FCAMR: variants seen among roughly 807,000 people sequenced by gnomAD.
FCAMR encodes Fc alpha and mu receptor.
FCAMR carries 51 observed loss-of-function variants against 52.2 expected under a neutral mutation model. The observed-to-expected ratio is 0.98, with a 90% CI of 0.78 to 1.23. The LOEUF (loss-of-function observed/expected upper bound fraction) is 1.23. Among genes scored for constraint, FCAMR ranks in the 50% most tolerant of loss-of-function variants. The probability of loss-of-function intolerance (pLI) is 0.00; values close to 1 mark genes in which losing one functional copy is unlikely to be tolerated. For missense variants in FCAMR, 719 were observed against 712.6 expected (o/e 1.01, Z -0.10); for synonymous variants, 282 against 262.0 (o/e 1.08, Z -0.74).
rs778350262 is a variant in FCAMR, at chr1:206,958,518, A to G, written c.1732T>C (p.Ter578ArgextTer5). 21 of 1,611,120 alleles carry G rather than the reference A, an allele frequency of 1.3e-5. No individual in the cohort carries two copies. The highest frequency in any genetic ancestry group is 1.8e-5 in the Non-Finnish European group (21 of 1,179,232). Reference protein sequence around the residue: ...LTAPERNPGP* With the variant: ...LTAPERNPGPR ...TGAGCAGTTCATCTCTCTGTCCCTC[A>G]GGGTCCTGGATTTCTCTCTGGGGCA... The change falls in exon 8 of 8, where the codon TGA becomes CGA. Residue 578 changes from the stop codon to arginine, a stop_lost. Transcript: ENST00000324852.
chr1:206,961,024 T>C lies in FCAMR; in HGVS notation c.852A>G (p.Pro284=). The change falls in exon 6 of 8, where the codon CCA becomes CCG. Residue 284 remains proline, a synonymous_variant. Transcript: ENST00000324852. The stretch of plus-strand genomic sequence containing the variant: ...CTGGAGCTGCTGGCCTGGTTGCTCC[T>C]GGGGTTCGTCTTCCCTCAGCTGAAG... ...TTASAEGRRT[P]GATRPAAPGT... The C allele has an allele frequency of 1.3e-6, 2 of 1,551,910 alleles. No homozygotes were observed. The highest frequency in any genetic ancestry group is 8.7e-7 in the Non-Finnish European group (1 of 1,147,036).
At chr1:206,968,389 C>T (rs1680799389) in intron 1 of FCAMR, among the ~76,000 whole-genome samples, 1 of 152,164 alleles carries the variant, frequency 6.6e-6, no homozygotes, top group South Asian at 2.1e-4. Context: ...TCTTGTATTC[C>T]CCAGAGGGTA....
intron 1 of FCAMR, chr1:206,969,310 G>A (rs1276264750): frequency 2.2e-6 from 1 of 456,488 alleles, no homozygotes; most frequent in East Asian, 7.0e-5. Flanking sequence ...TGAGGAAGCA[G>A]GAGTATGAGA....
At chr1:206,964,199 T>C (rs1680617283) in intron 4 of FCAMR, among the ~76,000 whole-genome samples, 3 of 152,150 alleles carry the variant, frequency 2.0e-5, no homozygotes, top group South Asian at 4.1e-4. Flanking sequence ...CTGATGATTC[T>C]CTCCCTCCTT....
rs1460359769 is a variant in FCAMR at position 206,969,483 on chromosome 1, T to C, written c.39+604A>G. The C allele has an allele frequency of 8.7e-6, 3 of 345,824 alleles. No individual in the cohort carries two copies. The Admixed American group carries it at 1.1e-4, about 13-fold the overall frequency. The allele number at this position is 345,824 out of a possible 1,614,324, so 21.4% of individuals were successfully genotyped here. On this transcript the variant is annotated intron_variant, in intron 1 of 7. Coordinates refer to ENST00000324852, the MANE Select transcript of FCAMR (RefSeq NM_001170631.2). ...GCCTGGGGCCACAGGCTTCTGTTAC[T>C]GCACACTGCGTTTTAGGGGATGAGA...
rs759135181 is a variant in FCAMR at position 206,958,600 on chromosome 1, G to C, written c.1650C>G (p.Pro550=). ...CCTGGAGCATCTTTCTTTCCACATG[G>C]GGCAGCTGGTCTGCTTGGGGGTTCA... is the stretch of plus-strand genomic sequence containing the variant. ...LEVNPQADQL[P]HVERKMLQDD... is the part of the protein sequence containing the mutation. The change falls in exon 8 of 8, where the codon CCC becomes CCG. Residue 550 remains proline, a synonymous_variant. Coordinates refer to ENST00000324852, the MANE Select transcript of FCAMR (RefSeq NM_001170631.2). 3.1e-6 allele frequency: 5 copies of C among 1,613,778 alleles called. No homozygotes were observed. The highest frequency in any genetic ancestry group is 1.3e-5 in the African/African-American group (1 of 74,918).
chr1:206,958,905 C>G, intron 7 of FCAMR: 3 of 663,130 alleles, frequency 4.5e-6, no homozygotes, highest in Non-Finnish European at 8.5e-6. Context: ...AAATCTCACC[C>G]TTTCTTCACT....
At position 206,960,442 on chromosome 1, in the gene FCAMR, G is replaced by A. The variant is rs543451193; in HGVS notation, c.1434C>T (p.Gly478=). The A allele has an allele frequency of 1.5e-5, 22 of 1,509,518 alleles. No homozygotes were observed. The East Asian group carries it at 5.2e-4, about 36-fold the overall frequency. 93.5% of individuals were successfully genotyped at this position (1,509,518 alleles called of 1,614,324 possible). Residue 478 remains glycine (G), a synonymous_variant, in exon 6 of 8, where the codon GGC becomes GGT. Coordinates refer to ENST00000324852, the MANE Select transcript of FCAMR (RefSeq NM_001170631.2). ...TPAVGPWGPP[G]KESSVKRTFP... ...GTTACCGCTTCACGGAGGACTCCTTGCCAGGGGGTCCCCAGGGTCCTACTG... is the reference window on the plus strand; with the variant it reads ...GTTACCGCTTCACGGAGGACTCCTTACCAGGGGGTCCCCAGGGTCCTACTG...
At chr1:206,968,106 G>T (rs765738742) in intron 1 of FCAMR, among the ~76,000 whole-genome samples, 1 of 152,186 alleles carries the variant, frequency 6.6e-6, no homozygotes, top group African/African-American at 2.4e-5. Flanking sequence ...TTGGGAGGCC[G>T]AGGCGGGTGG....
At chr1:206,970,042 A>G in intron 1 of FCAMR, 45 bp downstream of exon 1, 1 of 1,612,664 alleles carries the variant, frequency 6.2e-7, no homozygotes, top group Non-Finnish European at 8.5e-7. Flanking sequence ...CACCCCCCAC[A>G]TTCAGAGGCA....
chr1:206,962,351 G>A lies in FCAMR; in HGVS notation c.514C>T (p.Leu172Phe). 2 of 1,614,222 alleles carry A rather than the reference G, an allele frequency of 1.2e-6. No individual in the cohort carries two copies. The highest frequency in any genetic ancestry group is 1.7e-6 in the Non-Finnish European group (2 of 1,180,044). ...AAGCCTCTCTGTGGAAAGTCTGTGA[G>A]GGCCACACGGTCACGATAGCGATGG... is the stretch of plus-strand genomic sequence containing the variant. ...THHRYRDRVA[L>F]TDFPQRGLFV... The change falls in exon 5 of 8, where the codon CTC (leucine) becomes TTC (phenylalanine). Residue 172 changes from leucine to phenylalanine, a missense_variant. Leu to Phe is a conservative substitution (Grantham distance 22). Coordinates refer to ENST00000324852, the MANE Select transcript of FCAMR (RefSeq NM_001170631.2).
intron 2 of FCAMR, among the ~76,000 whole-genome samples, 168 bp from the exon 3 acceptor site, chr1:206,967,280 T>C (rs1256418467): frequency 6.6e-6 from 1 of 152,158 alleles, no homozygotes; most frequent in Non-Finnish European, 1.5e-5. Flanking sequence ...TGAGAAAGCA[T>C]GACTTTATCC....
chr1:206,966,030 AC>A, intron 3 of FCAMR, 172 bp from the exon 4 acceptor site: 1 of 830,136 alleles, frequency 1.2e-6, no homozygotes, highest in Non-Finnish European at 1.9e-6. Context: ...TCCCACTGCT[AC>A]CACCTTGCTG....
intron 2 of FCAMR, 126 bp downstream of exon 2, chr1:206,967,457 G>T: frequency 9.6e-7 from 1 of 1,039,156 alleles, no homozygotes; most frequent in Non-Finnish European, 1.5e-6. Flanking sequence ...CCGTGTAGTG[G>T]AAAGGCCACG....
chr1:206,967,832 C>G (rs972553940), intron 1 of FCAMR, among the ~76,000 whole-genome samples, 181 bp from the exon 2 acceptor site: 2 of 152,246 alleles, frequency 1.3e-5, no homozygotes, highest in Non-Finnish European at 2.9e-5. Flanking sequence ...CCCATCCACA[C>G]TGACCTTCAC....
At chr1:206,964,035 G>T (rs1680611536) in intron 4 of FCAMR, among the ~76,000 whole-genome samples, 1 of 152,164 alleles carries the variant, frequency 6.6e-6, no homozygotes, top group Non-Finnish European at 1.5e-5. Context: ...CTGGGACAAA[G>T]GGCATGCTTG....
At chr1:206,966,971 C>G (rs939962089) in intron 3 of FCAMR, 81 bp downstream of exon 3, 1 of 1,375,540 alleles carries the variant, frequency 7.3e-7, no homozygotes. Flanking sequence ...ACCATACCAG[C>G]CTGTGAGGAC....
At chr1:206,962,106 A>C in intron 5 of FCAMR, 107 bp downstream of exon 5, 1 of 1,099,490 alleles carries the variant, frequency 9.1e-7, no homozygotes, top group Non-Finnish European at 1.3e-6. Flanking sequence ...TTTCATTGTC[A>C]CTTCCCTAAT....
At chr1:206,963,323 G>A (rs1273433477) in intron 4 of FCAMR, among the ~76,000 whole-genome samples, 3 of 152,126 alleles carry the variant, frequency 2.0e-5, no homozygotes, top group Admixed American at 6.5e-5. Context: ...AGGACAATTC[G>A]TAGTTGAACC....
Sources: gnomAD v4.1 joint callset for allele counts (sites outside exome capture counted in the v4.1 genomes callset) on GRCh38, gnomAD v4.1.1 for gene constraint, MANE v1.5 for transcripts, NCBI Gene and HGNC (gene_info 2026-07-23, HGNC 2026-07-21) for gene names.